WWC1: variants seen among roughly 807,000 people sequenced by gnomAD.
The protein encoded by WWC1 is protein KIBRA.
WWC1 carries 55 observed loss-of-function variants against 138.4 expected under a neutral mutation model. That is an observed-to-expected ratio of 0.40 (90% CI 0.32 to 0.50). The LOEUF (loss-of-function observed/expected upper bound fraction) is 0.50. Among genes scored for constraint, WWC1 ranks in the 20% least tolerant of loss-of-function variants. The pLI is 0.72. For synonymous variants in WWC1, 524 were observed against 564.9 expected (o/e 0.93, Z 1.03); for missense variants, 1,226 against 1,420.4 (o/e 0.86, Z 2.20).
At chr5:168,405,070 A>G (rs546199876) in intron 5 of WWC1, among the ~76,000 whole-genome samples, 7 of 152,220 alleles carry the variant, frequency 4.6e-5, no homozygotes, top group Admixed American at 3.9e-4. Flanking sequence ...CTTCATGAGT[A>G]TGGGCTAGGT....
chr5:168,377,175 G>A (rs904302915), intron 2 of WWC1, among the ~76,000 whole-genome samples: 1 of 152,162 alleles, frequency 6.6e-6, no homozygotes, highest in Non-Finnish European at 1.5e-5. Flanking sequence ...AATATGCAGT[G>A]GGGAAAGGAC....
intron 2 of WWC1, among the ~76,000 whole-genome samples, chr5:168,377,181 A>T (rs1393468773): frequency 6.6e-6 from 1 of 152,232 alleles, no homozygotes. Flanking sequence ...CAGTGGGGAA[A>T]GGACTTCCTG....
intron 1 of WWC1, among the ~76,000 whole-genome samples, chr5:168,324,660 A>G (rs1340274970): frequency 1.3e-5 from 2 of 152,204 alleles, no homozygotes; most frequent in Non-Finnish European, 2.9e-5. Flanking sequence ...CAAATAGACA[A>G]CAAATGGCAA....
At chr5:168,293,966 C>G (rs1769296479) in intron 1 of WWC1, among the ~76,000 whole-genome samples, 1 of 151,784 alleles carries the variant, frequency 6.6e-6, no homozygotes, top group Non-Finnish European at 1.5e-5. Context: ...CTTGGCAGCA[C>G]CTTTTCTCTT....
intron 1 of WWC1, among the ~76,000 whole-genome samples, chr5:168,342,988 T>G (rs1046625756): frequency 1.3e-5 from 2 of 151,998 alleles, no homozygotes; most frequent in African/African-American, 4.8e-5. Flanking sequence ...TCCATCCAAT[T>G]TGTAGGTTCC....
chr5:168,439,070 CT>C (rs1303200197), intron 15 of WWC1, among the ~76,000 whole-genome samples: 1 of 152,122 alleles, frequency 6.6e-6, no homozygotes, highest in African/African-American at 2.4e-5. Flanking sequence ...GTCACTCCCC[CT>C]GGCACCTCAA....
chr5:168,380,491 A>G (rs374504734), intron 2 of WWC1, among the ~76,000 whole-genome samples: 36 of 152,294 alleles, frequency 2.4e-4, no homozygotes, highest in African/African-American at 8.4e-4. Flanking sequence ...CATACCCACT[A>G]TAATGACTAA....
chr5:168,331,688 GC>G (rs1389174778), intron 1 of WWC1, among the ~76,000 whole-genome samples: 1 of 152,230 alleles, frequency 6.6e-6, no homozygotes, highest in African/African-American at 2.4e-5. Context: ...GATAGCTGTG[GC>G]CCCTCTGTGT....
chr5:168,421,904 C>A, intron 9 of WWC1, 104 bp from the exon 10 acceptor site: 1 of 927,740 alleles, frequency 1.1e-6, no homozygotes, highest in Non-Finnish European at 1.7e-6. Flanking sequence ...TGGTCAAATG[C>A]TTTACGGAAA....
chr5:168,446,248 A>C (rs1217172513), intron 17 of WWC1, among the ~76,000 whole-genome samples: 2 of 149,372 alleles, frequency 1.3e-5, no homozygotes, highest in Admixed American at 1.3e-4. Context: ...AAAAAAAAAA[A>C]AAAAAAAAAA....
chr5:168,306,177 A>T (rs190301097), intron 1 of WWC1, among the ~76,000 whole-genome samples: 1 of 152,248 alleles, frequency 6.6e-6, no homozygotes, highest in East Asian at 1.9e-4. Context: ...GTGGGCAGAT[A>T]TGTGAGGTCA....
At chr5:168,396,171 G>A (rs537509890) in intron 3 of WWC1, among the ~76,000 whole-genome samples, 1 of 152,296 alleles carries the variant, frequency 6.6e-6, no homozygotes, top group East Asian at 1.9e-4. Flanking sequence ...ATCACCTGCA[G>A]TCAGGAGTTC....
chr5:168,316,195 C>T (rs1379907428), intron 1 of WWC1, among the ~76,000 whole-genome samples: 3 of 152,156 alleles, frequency 2.0e-5, no homozygotes, highest in Admixed American at 2.0e-4. Context: ...TTGCTATTTG[C>T]CAAACTGGTA....
At chr5:168,436,546 C>T (rs1782362806) in intron 15 of WWC1, among the ~76,000 whole-genome samples, 1 of 152,182 alleles carries the variant, frequency 6.6e-6, no homozygotes, top group Admixed American at 6.5e-5. Flanking sequence ...ATCTCCACTG[C>T]CTGTTCTGCA....
Position 168,295,234 on chromosome 5 carries a change from A to G in WWC1, c.119+2963A>G, listed in dbSNP as rs1004014442. On this transcript the variant is annotated intron_variant, in intron 1 of 22. Transcript: ENST00000265293. ...AAGTGGGTTGGTTAGATGGTCTTCA[A>G]GGGCCTGCCAGCTCTTAAATATTAT... Among the ~76,000 whole-genome samples, 3 of 152,114 alleles carry G rather than the reference A, an allele frequency of 2.0e-5. No homozygotes were observed. In the East Asian group the frequency reaches 5.8e-4, roughly 29 times the overall value.
chr5:168,351,965 G>A (rs188876258), intron 1 of WWC1, among the ~76,000 whole-genome samples: 9 of 152,230 alleles, frequency 5.9e-5, no homozygotes, highest in East Asian at 3.9e-4. Context: ...TAACCCTCCC[G>A]TGGCAGCTGA....
intron 1 of WWC1, among the ~76,000 whole-genome samples, chr5:168,298,725 T>G (rs968763968): frequency 1.2e-4 from 19 of 152,290 alleles, no homozygotes; most frequent in African/African-American, 4.3e-4. Context: ...TTTTGTGACC[T>G]CATTTTATCT....
intron 2 of WWC1, among the ~76,000 whole-genome samples, chr5:168,379,107 C>T (rs1777434025): frequency 1.3e-5 from 2 of 152,060 alleles, no homozygotes; most frequent in Non-Finnish European, 2.9e-5. Context: ...TGCACTAGAG[C>T]AGATACAAGT....
chr5:168,406,401 G>T, intron 6 of WWC1, 74 bp downstream of exon 6: 1 of 1,585,224 alleles, frequency 6.3e-7, no homozygotes, highest in Non-Finnish European at 8.6e-7. Context: ...TCGTATGCGG[G>T]CTATTTCCAC....
Sources: allele counts gnomAD v4.1 joint callset (sites outside exome capture counted in the v4.1 genomes callset), GRCh38; gene constraint gnomAD v4.1.1; transcripts MANE v1.5; gene names NCBI Gene and HGNC (gene_info 2026-07-23, HGNC 2026-07-21).